NLGN4Y: variants seen among roughly 807,000 people sequenced by gnomAD.
The protein encoded by NLGN4Y is neuroligin 4 Y-linked, also known as neuroligin-4, Y-linked.
Under a neutral mutation model 8.4 loss-of-function variants are expected in NLGN4Y, and 4 were observed. The ratio of observed to expected loss-of-function variants is 0.48; its 90% CI spans 0.23 to 1.09. NLGN4Y has a LOEUF of 1.09. Ranked by LOEUF, NLGN4Y falls within the 50% of genes least tolerant of loss-of-function variation. The probability of loss-of-function intolerance (pLI) is 0.19; values close to 1 mark genes in which losing one functional copy is unlikely to be tolerated. For synonymous variants in NLGN4Y, 35 were observed against 75.6 expected (o/e 0.46, Z 2.78); for missense variants, 90 against 192.3 (o/e 0.47, Z 3.15).
At chrY:14,838,944 G>A (rs975664735) in intron 6 of NLGN4Y, among the ~76,000 whole-genome samples, 2 of 32,928 alleles carry the variant, frequency 6.1e-5, no homozygotes, top group African/African-American at 2.4e-4. Flanking sequence ...TTTATCACAT[G>A]TGGCATCTCT....
chrY:14,619,030 TTG>T (rs2080499671), intron 1 of NLGN4Y, among the ~76,000 whole-genome samples: 1 of 33,841 alleles, frequency 3.0e-5, no homozygotes, highest in Admixed American at 2.7e-4. Context: ...GCCCTTGGGC[TTG>T]TCTTCTTTGT....
chrY:14,715,443 C>T, intron 2 of NLGN4Y, among the ~76,000 whole-genome samples: 1 of 33,280 alleles, frequency 3.0e-5, no homozygotes, highest in African/African-American at 1.2e-4. Context: ...ACATATCTAC[C>T]GCGGAATACT....
At chrY:14,592,290 T>C in intron 1 of NLGN4Y, among the ~76,000 whole-genome samples, 1 of 33,094 alleles carries the variant, frequency 3.0e-5, no homozygotes. Context: ...GTTGATGTGA[T>C]TAGGATTTTC....
chrY:14,583,690 G>T (rs2080327596), intron 1 of NLGN4Y, among the ~76,000 whole-genome samples: 1 of 33,647 alleles, frequency 3.0e-5, no homozygotes, highest in Middle Eastern at 0.014. Context: ...TTAATTTGTG[G>T]GATTTTAGAT....
chrY:14,560,228 G>A, intron 1 of NLGN4Y, among the ~76,000 whole-genome samples: 1 of 33,312 alleles, frequency 3.0e-5, no homozygotes, highest in Non-Finnish European at 7.4e-5. Context: ...TTAGAAAAGC[G>A]TAGCATTCAA....
intron 1 of NLGN4Y, among the ~76,000 whole-genome samples, chrY:14,604,914 T>C (rs2080441583): frequency 3.0e-5 from 1 of 33,760 alleles, no homozygotes; most frequent in East Asian, 7.7e-4. Flanking sequence ...AGCTAATGGT[T>C]CACAGTGGTT....
chrY:14,599,956 A>G, intron 1 of NLGN4Y, among the ~76,000 whole-genome samples: 1 of 32,675 alleles, frequency 3.1e-5, no homozygotes, highest in African/African-American at 1.2e-4. Flanking sequence ...GGTTAGTTTG[A>G]ATACATATAC....
At position 14,841,786 on chromosome Y, in the gene NLGN4Y, T is replaced by G. The variant is rs1202976750; in HGVS notation, c.*524T>G. 2.5e-5 allele frequency: 3 copies of G among 121,724 alleles called. No individual in the cohort carries two copies. Among genetic ancestry groups the G allele is most frequent in the Non-Finnish European group, 5.3e-5 (3 of 56,208 alleles). The allele number at this position is 121,724 out of a possible 400,897, so 30.4% of individuals were successfully genotyped here. A position where few individuals can be genotyped will look rare whatever the true frequency, so the allele number is the denominator to read the frequency against. On this transcript the variant is annotated 3_prime_UTR_variant, in exon 7 of 7. Transcript: ENST00000684976. Reference sequence around the variant, plus strand: ...AATTTTATTATCAAAGTAAGCGAATTGACTGTGCAGAAAAATTGTAGGGTT... The same window carrying G: ...AATTTTATTATCAAAGTAAGCGAATGGACTGTGCAGAAAAATTGTAGGGTT...
chrY:14,555,873 G>T (rs2080208988), intron 1 of NLGN4Y, among the ~76,000 whole-genome samples: 1 of 33,338 alleles, frequency 3.0e-5, no homozygotes, highest in African/African-American at 1.2e-4. Context: ...CAATGATGGG[G>T]CTAGCATTGT....
intron 2 of NLGN4Y, among the ~76,000 whole-genome samples, chrY:14,688,103 A>T (rs1603502721): frequency 5.9e-5 from 2 of 33,809 alleles, no homozygotes; most frequent in South Asian, 1.3e-3. Flanking sequence ...AGGTGATCAC[A>T]GGTGACATTG....
intron 4 of NLGN4Y, among the ~76,000 whole-genome samples, chrY:14,811,726 CT>C (rs2043081039): frequency 3.0e-5 from 1 of 33,404 alleles, no homozygotes. Context: ...TGCAATTATT[CT>C]CCTAAGCCTT....
chrY:14,551,477 A>G (rs2080192590), intron 1 of NLGN4Y, among the ~76,000 whole-genome samples: 2 of 33,411 alleles, frequency 6.0e-5, no homozygotes, highest in Non-Finnish European at 1.5e-4. Flanking sequence ...AACAAAATAT[A>G]CATTCTTCTC....
intron 2 of NLGN4Y, among the ~76,000 whole-genome samples, chrY:14,665,194 A>C: frequency 1.5e-4 from 5 of 33,484 alleles, no homozygotes; most frequent in Admixed American, 1.1e-3. Flanking sequence ...TGTGCTCTTC[A>C]TGGTACTCGA....
At position 14,767,116 on chromosome Y, in the gene NLGN4Y, A is replaced by T; in HGVS notation, c.685+43847A>T. Among the ~76,000 whole-genome samples, 3 of 33,021 alleles carry T rather than the reference A, an allele frequency of 9.1e-5. No homozygotes were observed. In the East Asian group the frequency reaches 2.4e-3, roughly 26 times the overall value. 88.6% of individuals were successfully genotyped at this position (33,021 alleles called of 37,273 possible). Reference sequence around the variant, plus strand: ...TTCTCTGCAACTTGCTTTACTTACTATTTTTATTTTTTTCTATCTTTTTGC... The same window carrying T: ...TTCTCTGCAACTTGCTTTACTTACTTTTTTTATTTTTTTCTATCTTTTTGC... On this transcript the variant is annotated intron_variant, in intron 4 of 6. Coordinates refer to ENST00000684976, the MANE Select transcript of NLGN4Y (RefSeq NM_001365588.1).
intron 4 of NLGN4Y, among the ~76,000 whole-genome samples, chrY:14,807,383 CTAATA>C (rs2043061403): frequency 3.1e-5 from 1 of 31,815 alleles, no homozygotes; most frequent in East Asian, 8.1e-4. Context: ...TTTAATTAAT[CTAATA>C]TAATATTGTA....
chrY:14,699,783 GA>G (rs758299230), intron 2 of NLGN4Y, among the ~76,000 whole-genome samples: 22 of 31,477 alleles, frequency 7.0e-4, no homozygotes, highest in African/African-American at 2.6e-3. Context: ...TTTTTTTAAT[GA>G]AAAAAAAGCT....
chrY:14,556,337 G>T, intron 1 of NLGN4Y, among the ~76,000 whole-genome samples: 1 of 32,713 alleles, frequency 3.1e-5, no homozygotes, highest in South Asian at 6.9e-4. Context: ...TATAATATAG[G>T]TTGACAATTA....
chrY:14,748,755 T>A (rs1177382033), intron 4 of NLGN4Y: 1 of 180,276 alleles, frequency 5.5e-6, no homozygotes, highest in South Asian at 3.8e-5. Context: ...TCCACTGTCC[T>A]CTCACTTGTC....
chrY:14,698,880 A>G, intron 2 of NLGN4Y, among the ~76,000 whole-genome samples: 1 of 33,116 alleles, frequency 3.0e-5, no homozygotes, highest in Non-Finnish European at 7.5e-5. Context: ...CATCTCAAAC[A>G]TTGATCATTT....
Sources: allele counts gnomAD v4.1 joint callset (sites outside exome capture counted in the v4.1 genomes callset), GRCh38; gene constraint gnomAD v4.1.1; transcripts MANE v1.5; gene names NCBI Gene and HGNC (gene_info 2026-07-23, HGNC 2026-07-21).